The following HTT variants were observed in gnomAD, a reference collection of about 807,000 sequenced individuals.
HTT encodes the protein huntington disease protein.
A neutral mutation model predicts 362.3 loss-of-function variants in HTT; 104 were observed. The ratio of observed to expected loss-of-function variants is 0.29; its 90% CI spans 0.24 to 0.34. The LOEUF (loss-of-function observed/expected upper bound fraction) is 0.34. Among genes scored for constraint, HTT ranks in the 10% least tolerant of loss-of-function variants. The pLI, the probability that HTT is intolerant of heterozygous loss-of-function variation, is 1.00. For synonymous variants in HTT, 1,577 were observed against 1,548.7 expected (o/e 1.02, Z -0.43); for missense variants, 3,301 against 3,928.6 (o/e 0.84, Z 4.27).
At chr4:3,187,207 G>A (rs1362400062) in intron 38 of HTT, among the ~76,000 whole-genome samples, 1 of 151,358 alleles carries the variant, frequency 6.6e-6, no homozygotes, top group East Asian at 1.9e-4. Flanking sequence ...CCAGGCTGGA[G>A]TACAGTGGCG....
rs1323253450 is a variant in HTT, at chr4:3,212,610, G to A, written c.6675G>A (p.Leu2225=). 1 of 1,614,230 alleles carries A rather than the reference G, an allele frequency of 6.2e-7. No individual in the cohort carries two copies. The highest frequency in any genetic ancestry group is 2.2e-5 in the East Asian group (1 of 44,890). The change falls in exon 49 of 67, where the codon CTG becomes CTA. Residue 2225 remains leucine (L), a synonymous_variant. Coordinates refer to ENST00000355072, the MANE Select transcript of HTT (RefSeq NM_001388492.1). ...YQSLPTLARA[L]AQYLVVVSKL... is the part of the protein sequence containing the mutation. The stretch of plus-strand genomic sequence containing the variant: ...CCCTGCCCACTCTGGCCCGGGCCCT[G>A]GCACAGTACCTGGTGGTGGTCTCCA...
rs989525960 is a variant in HTT at position 3,157,432 on chromosome 4, A to C, written c.3753+233A>C. 4.6e-5 allele frequency among the ~76,000 whole-genome samples: 7 copies of C among 152,320 alleles called. No homozygotes were observed. In the East Asian group the frequency reaches 1.4e-3, roughly 29 times the overall value. ...CAGCTAAGATTGATTACAGTGACAGAGCTAGGATGTGCAGCCAGGTTATAG... is the reference window on the plus strand; with the variant it reads ...CAGCTAAGATTGATTACAGTGACAGCGCTAGGATGTGCAGCCAGGTTATAG... On this transcript the variant is annotated intron_variant, in intron 28 of 66. Coordinates refer to ENST00000355072, the MANE Select transcript of HTT (RefSeq NM_001388492.1).
chr4:3,136,157 C>T lies in HTT; in HGVS notation c.2698-69C>T, dbSNP rs183756465. On this transcript the variant is annotated intron_variant, in intron 20 of 66. Coordinates refer to ENST00000355072, the MANE Select transcript of HTT (RefSeq NM_001388492.1). ...GTTGAGTTCTTTCTCACTAGCTTTC[C>T]AAAATATCTTACCTAAAATTTAGTC... The T allele has an allele frequency of 6.3e-5, 73 of 1,157,284 alleles. No individual in the cohort carries two copies. In the East Asian group the frequency reaches 9.6e-4, roughly 15 times the overall value. 71.7% of individuals were successfully genotyped at this position (1,157,284 alleles called of 1,614,324 possible).
chr4:3,230,030 C>T lies in HTT; in HGVS notation c.8253C>T (p.Ala2751=), dbSNP rs2229985. 6.8e-4 allele frequency: 1,095 copies of T among 1,613,936 alleles called. 6 individuals carry two copies. The African/African-American group carries it at 0.011, about 16-fold the overall frequency. The change falls in exon 60 of 67, where the codon GCC becomes GCT. Residue 2751 remains alanine, a synonymous_variant. Transcript: ENST00000355072. The part of the protein sequence containing the change: ...YLVPATCKAA[A]VLGMDKAVAE... ...TGCCTGCCACCTGCAAGGCAGCTGC[C>T]GTCCTTGGGATGGTAAGTGACAGGT... is the stretch of plus-strand genomic sequence containing the variant.
chr4:3,165,249 C>T (rs1404684959), intron 29 of HTT, among the ~76,000 whole-genome samples: 3 of 152,110 alleles, frequency 2.0e-5, no homozygotes, highest in Admixed American at 6.6e-5. Context: ...ATATTGGCTC[C>T]CACTCTTTTC....
At chr4:3,166,789 T>C (rs1717734637) in intron 29 of HTT, among the ~76,000 whole-genome samples, 1 of 152,190 alleles carries the variant, frequency 6.6e-6, no homozygotes, top group Non-Finnish European at 1.5e-5. Flanking sequence ...GTGAAGACTG[T>C]GGGAAAAGTG....
At chr4:3,135,036 A>G (rs1045500785) in intron 19 of HTT, among the ~76,000 whole-genome samples, 1 of 152,128 alleles carries the variant, frequency 6.6e-6, no homozygotes, top group Non-Finnish European at 1.5e-5. Flanking sequence ...ATTTTAAAAT[A>G]TAAGTAGAAG....
chr4:3,162,648 G>T (rs1356058456), intron 29 of HTT, among the ~76,000 whole-genome samples: 1 of 152,070 alleles, frequency 6.6e-6, no homozygotes. Flanking sequence ...CACATCCCTT[G>T]TAAGTTGTCT....
intron 3 of HTT, 149 bp downstream of exon 3, chr4:3,099,543 G>A (rs1487043986): frequency 9.1e-7 from 1 of 1,097,950 alleles, no homozygotes; most frequent in East Asian, 2.7e-5. Flanking sequence ...GTGCTCTGTT[G>A]TATGGTTTGG....
In HTT at chr4:3,127,392, G is replaced by A; in HGVS notation, c.1531G>A (p.Asp511Asn). 6.2e-7 allele frequency: 1 copy of A among 1,614,164 alleles called. No individual in the cohort carries two copies. Among genetic ancestry groups the A allele is most frequent in the South Asian group, 1.1e-5 (1 of 91,086 alleles). The change falls in exon 12 of 67, where the codon GAT becomes AAT. Residue 511 changes from aspartate (D) to asparagine (N), a missense_variant. Physicochemically the swap from Asp to Asn is conservative, Grantham distance 23 (BLOSUM62 1). Coordinates refer to ENST00000355072, the MANE Select transcript of HTT (RefSeq NM_001388492.1). ...SQHTLQADSV[D>N]LASCDLTSSA... ...GCACACACTGCAGGCGGACTCAGTGGATCTGGCCAGCTGTGACTTGACAAG... is the reference window on the plus strand; with the variant it reads ...GCACACACTGCAGGCGGACTCAGTGAATCTGGCCAGCTGTGACTTGACAAG...
rs986452807 is a variant in HTT at position 3,127,299 on chromosome 4, G to C, written c.1438G>C (p.Ala480Pro). The C allele has an allele frequency of 3.1e-6, 5 of 1,614,090 alleles. No homozygotes were observed. The highest frequency in any genetic ancestry group is 2.2e-5 in the East Asian group (1 of 44,900). ...GGATGAGATCAGTGGAGAGCTGGCT[G>C]CTTCTTCAGGGGTTTCCACTCCAGG... ...VKDEISGELA[A>P]SSGVSTPGSA... The change falls in exon 12 of 67, where the codon GCT (alanine) becomes CCT (proline). Residue 480 changes from alanine to proline, a missense_variant. By Grantham distance (27) the Ala-to-Pro change is conservative. Transcript: ENST00000355072.
chr4:3,232,920 A>T (rs555805674), intron 60 of HTT, among the ~76,000 whole-genome samples: 11 of 152,308 alleles, frequency 7.2e-5, no homozygotes, highest in African/African-American at 2.6e-4. Context: ...CTCAGCACCA[A>T]CCCTGGTGCC....
chr4:3,179,189 A>C (rs1271421105), intron 35 of HTT, among the ~76,000 whole-genome samples: 1 of 152,168 alleles, frequency 6.6e-6, no homozygotes, highest in South Asian at 2.1e-4. Flanking sequence ...AAGAGCATCA[A>C]CCGGGCTGTG....
intron 27 of HTT, among the ~76,000 whole-genome samples, chr4:3,155,476 C>A (rs1014864392): frequency 3.3e-5 from 5 of 151,594 alleles, no homozygotes; most frequent in Admixed American, 2.0e-4. Context: ...CCGTCCACCT[C>A]AGCCTCTCAA....
chr4:3,130,360 C>G lies in HTT; in HGVS notation c.1923C>G (p.Asp641Glu), dbSNP rs748080028. 6.2e-7 allele frequency: 1 copy of G among 1,609,570 alleles called. No individual in the cohort carries two copies. Among genetic ancestry groups the G allele is most frequent in the Non-Finnish European group, 8.5e-7 (1 of 1,177,082 alleles). Residue 641 changes from aspartate to glutamate, a missense_variant, in exon 14 of 67, where the codon GAC becomes GAG. This residue lies in a region of HTT where 2,316 missense variants were observed against 2,658.5 expected (regional missense o/e 0.87). Coordinates refer to ENST00000355072, the MANE Select transcript of HTT (RefSeq NM_001388492.1). ...KNMSHCRQPS[D>E]SSVDKFVLRD... Reference sequence around the variant, plus strand: ...TGAGTCACTGCAGGCAGCCTTCTGACAGCAGTGTTGATAAATTTGTGTTGA... The same window carrying G: ...TGAGTCACTGCAGGCAGCCTTCTGAGAGCAGTGTTGATAAATTTGTGTTGA...
At position 3,178,381 on chromosome 4, in the gene HTT, G is replaced by C; in HGVS notation, c.4547G>C (p.Gly1516Ala). The change falls in exon 35 of 67, where the codon GGA (glycine) becomes GCA (alanine). Residue 1516 changes from glycine (G) to alanine (A), a missense_variant. By Grantham distance (60) the Gly-to-Ala change is moderately conservative. Transcript: ENST00000355072. ...CGCTATCATTCAAAACAGATCATTGGAATTCCTAAAATCATTCAGCTCTGT... is the reference window on the plus strand; with the variant it reads ...CGCTATCATTCAAAACAGATCATTGCAATTCCTAAAATCATTCAGCTCTGT... ...YERYHSKQII[G>A]IPKIIQLCDG... 6.2e-7 allele frequency: 1 copy of C among 1,613,354 alleles called. No individual in the cohort carries two copies. Among genetic ancestry groups the C allele is most frequent in the Non-Finnish European group, 8.5e-7 (1 of 1,179,380 alleles).
chr4:3,188,893 G>A, intron 39 of HTT, 58 bp from the exon 40 acceptor site: 1 of 1,477,792 alleles, frequency 6.8e-7, no homozygotes, highest in Non-Finnish European at 9.4e-7. Context: ...TGTATACTTG[G>A]CGTAAGTGCT....
At chr4:3,163,934 G>T (rs1047917442) in intron 29 of HTT, among the ~76,000 whole-genome samples, 1 of 151,380 alleles carries the variant, frequency 6.6e-6, no homozygotes, top group Admixed American at 6.6e-5. Context: ...CTTCAGTTCT[G>T]CTCTGATCTT....
chr4:3,218,588 G>A lies in HTT; in HGVS notation c.7242+636G>A, dbSNP rs931226485. On this transcript the variant is annotated intron_variant, in intron 52 of 66. Transcript: ENST00000355072. The surrounding 1 kb of genome is among the most constrained non-coding windows in gnomAD (Gnocchi z 4.4). Reference sequence around the variant, plus strand: ...GCGAAGGTTGCAGTAAGCCGAGATCGCGCCACTGCACTCTAGCCTGGGCAA... The same window carrying A: ...GCGAAGGTTGCAGTAAGCCGAGATCACGCCACTGCACTCTAGCCTGGGCAA... 3.3e-5 allele frequency among the ~76,000 whole-genome samples: 5 copies of A among 151,836 alleles called. No individual in the cohort carries two copies. The South Asian group carries it at 6.2e-4, about 19-fold the overall frequency.
Sources: gnomAD v4.1 joint callset for allele counts (sites outside exome capture counted in the v4.1 genomes callset) on GRCh38, gnomAD v4.1.1 for gene constraint, gnomAD v4.1.1 regional missense constraint, Gnocchi (gnomAD v3.1) non-coding constraint, MANE v1.5 for transcripts, NCBI Gene and HGNC (gene_info 2026-07-23, HGNC 2026-07-21) for gene names.